NAF1: variants seen among roughly 807,000 people sequenced by gnomAD.
The protein encoded by NAF1 is nuclear assembly factor 1 ribonucleoprotein, also known as H/ACA ribonucleoprotein complex non-core subunit NAF1.
A neutral mutation model predicts 40.6 loss-of-function variants in NAF1; 11 were observed. The observed-to-expected ratio is 0.27, with a 90% CI of 0.17 to 0.45. NAF1 has a LOEUF of 0.45. Ranked by LOEUF, NAF1 falls within the 20% of genes least tolerant of loss-of-function variation. The pLI is 1.00. For missense variants in NAF1, 607 were observed against 611.1 expected, an observed-to-expected ratio of 0.99 and a Z score of 0.07; for synonymous variants, 260 against 228.5, an observed-to-expected ratio of 1.14 and a Z score of -1.24.
At chr4:163,152,605 C>T (rs1411065739) in intron 2 of NAF1, among the ~76,000 whole-genome samples, 3 of 152,222 alleles carry the variant, frequency 2.0e-5, no homozygotes, top group African/African-American at 7.2e-5. Context: ...GGAAAACAGA[C>T]ATAGACACTG....
At chr4:163,111,211 CAA>C (rs1730151036) in intron 2 of NAF1, among the ~76,000 whole-genome samples, 1 of 151,920 alleles carries the variant, frequency 6.6e-6, no homozygotes, top group Non-Finnish European at 1.5e-5. Context: ...GAATATGAGT[CAA>C]GTTAGGAAGT....
chr4:163,164,541 A>C, intron 1 of NAF1, 150 bp from the exon 2 acceptor site: 1 of 599,284 alleles, frequency 1.7e-6, no homozygotes, highest in Non-Finnish European at 2.6e-6. Flanking sequence ...AAGAAATATC[A>C]ACTTTACTAC....
At chr4:163,165,423 T>C (rs1560812166) in intron 1 of NAF1, among the ~76,000 whole-genome samples, 1 of 152,216 alleles carries the variant, frequency 6.6e-6, no homozygotes, top group Non-Finnish European at 1.5e-5. Flanking sequence ...TACCATTTAC[T>C]TTTCTTTGCT....
intron 2 of NAF1, among the ~76,000 whole-genome samples, chr4:163,117,680 TACACACACACACACACACACACAC>T (rs55869899): frequency 1.4e-3 from 194 of 134,928 alleles, no homozygotes; most frequent in Middle Eastern, 7.2e-3. Context: ...CTGGAAGCAA[TACACACACACACACACACACACAC>T]ACACACACAC....
At chr4:163,150,298 G>T (rs1560799694) in intron 2 of NAF1, among the ~76,000 whole-genome samples, 1 of 152,054 alleles carries the variant, frequency 6.6e-6, no homozygotes, top group Non-Finnish European at 1.5e-5. Flanking sequence ...AATTCAAGCA[G>T]TTATGGAAGG....
exon 3 of NAF1, chr4:163,110,245 G>A: frequency 1.4e-6 from 1 of 701,028 alleles, no homozygotes; most frequent in Non-Finnish European, 2.6e-6. Flanking sequence ...CCCCTCATCT[G>A]TGCTGTCACT....
At chr4:163,157,034 C>A (rs1388995218) in intron 2 of NAF1, 1 of 152,000 alleles carries the variant, frequency 6.6e-6, no homozygotes, top group Non-Finnish European at 1.5e-5. Context: ...CTATTTCATT[C>A]ACATCATTAG....
chr4:163,154,042 A>G (rs1298536038), intron 2 of NAF1, among the ~76,000 whole-genome samples: 2 of 151,774 alleles, frequency 1.3e-5, no homozygotes, highest in Non-Finnish European at 2.9e-5. Context: ...CTGCAGCTTC[A>G]CTCCTGAGCC....
At chr4:163,150,181 T>C (rs946180605) in intron 2 of NAF1, among the ~76,000 whole-genome samples, 2 of 152,168 alleles carry the variant, frequency 1.3e-5, no homozygotes, top group African/African-American at 2.4e-5. Context: ...AAGGCCCATG[T>C]AATATAATAG....
chr4:163,110,006 G>A, downstream of NAF1: 1 of 388,734 alleles, frequency 2.6e-6, no homozygotes, highest in African/African-American at 2.1e-5. Flanking sequence ...TTTGTTTACT[G>A]CAAATGATAT....
intron 2 of NAF1, among the ~76,000 whole-genome samples, chr4:163,162,507 G>C (rs1732269446): frequency 6.6e-6 from 1 of 152,160 alleles, no homozygotes; most frequent in South Asian, 2.1e-4. Flanking sequence ...ATCATTCCAA[G>C]TTTGAAAATC....
chr4:163,128,721 T>G lies in NAF1; in HGVS notation c.*176A>C. On this transcript the variant is annotated 3_prime_UTR_variant, in exon 8 of 8. Coordinates refer to ENST00000274054, the MANE Select transcript of NAF1 (RefSeq NM_138386.3). ...GTTCTCCCAAGAATTTGAGCTGACATTTTCATATGAATACAATTTCACAAA... is the reference window on the plus strand; with the variant it reads ...GTTCTCCCAAGAATTTGAGCTGACAGTTTCATATGAATACAATTTCACAAA... The G allele has an allele frequency of 3.6e-6, 4 of 1,118,516 alleles. No individual in the cohort carries two copies. The highest frequency in any genetic ancestry group is 2.3e-6 in the Non-Finnish European group (2 of 877,642). 69.3% of individuals were successfully genotyped at this position (1,118,516 alleles called of 1,614,324 possible).
At chr4:163,134,221 T>TATA (rs1730973238) in intron 6 of NAF1, among the ~76,000 whole-genome samples, 1 of 152,148 alleles carries the variant, frequency 6.6e-6, no homozygotes, top group South Asian at 2.1e-4. Flanking sequence ...AAACGTCTAT[T>TATA]ATGTTTCATA....
chr4:163,124,669 C>T (rs760125430), downstream of NAF1, among the ~76,000 whole-genome samples: 5 of 151,956 alleles, frequency 3.3e-5, no homozygotes, highest in Admixed American at 6.6e-5. Context: ...CATAGAGGGC[C>T]AATTTGTATA....
At position 163,128,998 on chromosome 4, in the gene NAF1, G is replaced by A; in HGVS notation, c.1384C>T (p.Leu462Phe). The A allele has an allele frequency of 7.3e-7, 1 of 1,376,602 alleles. No individual in the cohort carries two copies. Among genetic ancestry groups the A allele is most frequent in the Non-Finnish European group, 9.6e-7 (1 of 1,038,392 alleles). 85.3% of individuals were successfully genotyped at this position (1,376,602 alleles called of 1,614,324 possible). A position where few individuals can be genotyped will look rare whatever the true frequency, so the allele number is the denominator to read the frequency against. ...ATPNMAAHPL[L>F]NLPYSLPPPP... is the part of the protein sequence containing the mutation. ...GGGGGTAGGGAGTATGGTAAGTTAA[G>A]TAATGGATGAGCAGCCATGTTTGGT... The change falls in exon 8 of 8, where the codon CTT becomes TTT. Residue 462 changes from leucine to phenylalanine, a missense_variant. Coordinates refer to ENST00000274054, the MANE Select transcript of NAF1 (RefSeq NM_138386.3).
chr4:163,113,986 T>C (rs533290427), intron 2 of NAF1, among the ~76,000 whole-genome samples: 17 of 152,282 alleles, frequency 1.1e-4, no homozygotes, highest in Admixed American at 8.5e-4. Context: ...TTAGCCAAGA[T>C]TCGGTCAGAA....
the NAF1 span, among the ~76,000 whole-genome samples, chr4:163,104,468 T>C: frequency 6.6e-6 from 1 of 152,240 alleles, no homozygotes; most frequent in African/African-American, 2.4e-5. Context: ...ATATGGTTAA[T>C]GTTGGGTTAA....
At position 163,137,184 on chromosome 4, in the gene NAF1, A is replaced by G. The variant is rs758232461; in HGVS notation, c.930+15T>C. ...CCTACTTTATAAAATGTTGCATAAAAAGACTTATACTTACCTCTGGTGGTG... is the reference window on the plus strand; with the variant it reads ...CCTACTTTATAAAATGTTGCATAAAGAGACTTATACTTACCTCTGGTGGTG... On this transcript the variant is annotated intron_variant, in intron 6 of 7. Coordinates refer to ENST00000274054, the MANE Select transcript of NAF1 (RefSeq NM_138386.3). 54 of 1,612,104 alleles carry G rather than the reference A, an allele frequency of 3.3e-5. No homozygotes were observed. In the South Asian group the frequency reaches 5.8e-4, roughly 17 times the overall value.
At chr4:163,106,929 T>TAC (rs1323641929), downstream of NAF1, among the ~76,000 whole-genome samples, 1 of 152,164 alleles carries the variant, frequency 6.6e-6, no homozygotes, top group African/African-American at 2.4e-5. Context: ...CAAAGAATGA[T>TAC]ACATTTCAGG....
Sources: gnomAD v4.1 joint callset for allele counts (sites outside exome capture counted in the v4.1 genomes callset) on GRCh38, gnomAD v4.1.1 for gene constraint, MANE v1.5 for transcripts, NCBI Gene and HGNC (gene_info 2026-07-23, HGNC 2026-07-21) for gene names.